Variants in TMCO4 observed in about 807,000 individuals in gnomAD.
TMCO4 encodes the protein transmembrane and coiled-coil domains 4, also known as transmembrane and coiled-coil domain-containing protein 4.
TMCO4 carries 58 observed loss-of-function variants against 64.7 expected under a neutral mutation model. The observed-to-expected ratio is 0.90, with a 90% CI of 0.73 to 1.12. TMCO4 has a LOEUF of 1.12. Ranked by LOEUF, TMCO4 falls within the 50% of genes most tolerant of loss-of-function variation. The pLI is 0.00. For synonymous variants in TMCO4, 325 were observed against 346.1 expected (o/e 0.94, Z 0.68); for missense variants, 780 against 825.9 (o/e 0.94, Z 0.68).
rs550777043 is a variant in TMCO4 at position 19,743,311 on chromosome 1, C to T, written c.877+2221G>A. On this transcript the variant is annotated intron_variant, in intron 10 of 15. Transcript: ENST00000294543. This position sits in a 1 kb window ranked among gnomAD's most constrained non-coding sequence, Gnocchi z 4.1. Reference sequence around the variant, plus strand: ...TAAATGAGCCAGTGCATAGGAAGGGCTTGGTGGTTGGCTACAAAGTTTTTA... The same window carrying T: ...TAAATGAGCCAGTGCATAGGAAGGGTTTGGTGGTTGGCTACAAAGTTTTTA... 8.5e-5 allele frequency among the ~76,000 whole-genome samples: 13 copies of T among 152,236 alleles called. No homozygotes were observed. The South Asian group carries it at 2.5e-3, about 29-fold the overall frequency.
Position 19,746,487 on chromosome 1 carries a change from C to T in TMCO4, c.726G>A (p.Ser242=), listed in dbSNP as rs765100468. Residue 242 remains serine (S), a synonymous_variant, in exon 9 of 16, where the codon TCG becomes TCA. Coordinates refer to ENST00000294543, the MANE Select transcript of TMCO4 (RefSeq NM_181719.7). ...GSAAGIAIMT[S]LFGAAGAGLT... is the part of the protein sequence containing the mutation. The stretch of plus-strand genomic sequence containing the variant: ...GGCCAGCTCCAGCTGCACCAAACAG[C>T]GAGGTCATGATGGCTATGCCGGCTG... The T allele has an allele frequency of 3.7e-6, 6 of 1,613,010 alleles. No individual in the cohort carries two copies. The highest frequency in any genetic ancestry group is 2.2e-5 in the East Asian group (1 of 44,872).
chr1:19,788,913 A>C (rs1030125108), intron 2 of TMCO4, among the ~76,000 whole-genome samples: 2 of 152,016 alleles, frequency 1.3e-5, no homozygotes, highest in Non-Finnish European at 2.9e-5. Context: ...GTCTCTACTA[A>C]AAATACAACA....
At chr1:19,751,771 G>A (rs1356216581) in intron 7 of TMCO4, among the ~76,000 whole-genome samples, 2 of 152,184 alleles carry the variant, frequency 1.3e-5, no homozygotes, top group Non-Finnish European at 2.9e-5. Flanking sequence ...TTTGGGGGCC[G>A]GGCGTGGTGG....
rs1570594651 is a variant in TMCO4 at position 19,683,053 on chromosome 1, G to A, written c.1892C>T (p.Thr631Met). The A allele has an allele frequency of 5.7e-6, 9 of 1,589,906 alleles. No homozygotes were observed. Among genetic ancestry groups the A allele is most frequent in the South Asian group, 2.3e-5 (2 of 86,626 alleles). ...CCCCTGCTGTGGTCAGTCCAGCCCC[G>A]TGCTGGGGCCCTGGGTCTTGCAGGC... ...DCACKTQGPS[T>M]GLD is the part of the protein sequence containing the mutation. Residue 631 changes from threonine (T) to methionine (M), a missense_variant, in exon 16 of 16, where the codon ACG (threonine) becomes ATG (methionine). Thr to Met is a moderately conservative substitution (Grantham distance 81). Coordinates refer to ENST00000294543, the MANE Select transcript of TMCO4 (RefSeq NM_181719.7).
At chr1:19,786,429 A>C (rs1443209839) in intron 3 of TMCO4, among the ~76,000 whole-genome samples, 8 of 152,208 alleles carry the variant, frequency 5.3e-5, no homozygotes, top group African/African-American at 1.7e-4. Context: ...CAAGGAGTGA[A>C]TCAGACAGGG....
chr1:19,781,810 C>T (rs1249116175), intron 3 of TMCO4, among the ~76,000 whole-genome samples: 1 of 152,136 alleles, frequency 6.6e-6, no homozygotes, highest in Admixed American at 6.5e-5. Context: ...CCACACCTGG[C>T]TAACTTTTTG....
At chr1:19,747,018 A>G in intron 8 of TMCO4, 145 bp downstream of exon 8, 1 of 757,576 alleles carries the variant, frequency 1.3e-6, no homozygotes, top group Non-Finnish European at 2.3e-6. Flanking sequence ...GCTGATGAGC[A>G]CACCGACTAC....
In TMCO4 at chr1:19,732,132, G is replaced by A. The variant is rs988177939; in HGVS notation, c.1264+5240C>T. Among the ~76,000 whole-genome samples, 5 of 152,070 alleles carry A rather than the reference G, an allele frequency of 3.3e-5. No homozygotes were observed. Among genetic ancestry groups the A allele is most frequent in the African/African-American group, 7.2e-5 (3 of 41,410 alleles). ...GCTGGCTACATGTCTGTGAATGTGC[G>A]CACACCTGCTGCTCACATTTGGAAT... On this transcript the variant is annotated intron_variant, in intron 13 of 15. Coordinates refer to ENST00000294543, the MANE Select transcript of TMCO4 (RefSeq NM_181719.7). The surrounding 1 kb of genome is among the most constrained non-coding windows in gnomAD (Gnocchi z 4.8).
At chr1:19,741,275 G>A (rs2100848459) in intron 10 of TMCO4, among the ~76,000 whole-genome samples, 1 of 152,322 alleles carries the variant, frequency 6.6e-6, no homozygotes, top group Non-Finnish European at 1.5e-5. Flanking sequence ...AATGAAATGT[G>A]TTTGAACTAT....
chr1:19,699,484 T>TAC (rs1052295046), intron 14 of TMCO4, among the ~76,000 whole-genome samples: 1 of 117,400 alleles, frequency 8.5e-6, no homozygotes, highest in Admixed American at 8.0e-5. Context: ...CTTTTTCATA[T>TAC]ACATATATAT....
At chr1:19,793,649 C>G (rs954299581) in intron 2 of TMCO4, among the ~76,000 whole-genome samples, 1 of 152,196 alleles carries the variant, frequency 6.6e-6, no homozygotes, top group Non-Finnish European at 1.5e-5. Flanking sequence ...GATAATCACA[C>G]TGCAGACGAG....
At chr1:19,713,237 G>A (rs1459648993) in intron 13 of TMCO4, among the ~76,000 whole-genome samples, 1 of 152,158 alleles carries the variant, frequency 6.6e-6, no homozygotes, top group African/African-American at 2.4e-5. Flanking sequence ...ACAGGCAGGG[G>A]TGGGAATTAT....
At chr1:19,755,540 C>T in intron 7 of TMCO4, 94 bp downstream of exon 7, 1 of 1,544,210 alleles carries the variant, frequency 6.5e-7, no homozygotes, top group Non-Finnish European at 8.8e-7. Context: ...CCTCACTACA[C>T]CATCTCTTAA....
At chr1:19,708,925 G>C (rs1385913642) in intron 13 of TMCO4, among the ~76,000 whole-genome samples, 1 of 152,180 alleles carries the variant, frequency 6.6e-6, no homozygotes, top group African/African-American at 2.4e-5. Flanking sequence ...AAACCAAGGA[G>C]GAATTTATTT....
At chr1:19,768,862 T>A (rs1174695775) in intron 6 of TMCO4, among the ~76,000 whole-genome samples, 1 of 152,150 alleles carries the variant, frequency 6.6e-6, no homozygotes, top group East Asian at 1.9e-4. Flanking sequence ...CTCCCAGCAG[T>A]GCCGATGCTG....
chr1:19,771,445 A>G lies in TMCO4; in HGVS notation c.217T>C (p.Trp73Arg), dbSNP rs2042978624. 6.2e-7 allele frequency: 1 copy of G among 1,614,002 alleles called. No individual in the cohort carries two copies. Among genetic ancestry groups the G allele is most frequent in the African/African-American group, 1.3e-5 (1 of 74,914 alleles). ...CTEFMAGLVQ[W>R]LELSEAVLPT... Reference sequence around the variant, plus strand: ...AAGACAGCTTCAGACAACTCCAGCCACTGCACCAGGCCTGCCATGAACTCT... The same window carrying G: ...AAGACAGCTTCAGACAACTCCAGCCGCTGCACCAGGCCTGCCATGAACTCT... Residue 73 changes from tryptophan (W) to arginine (R), a missense_variant, in exon 5 of 16, where the codon TGG (tryptophan) becomes CGG (arginine). Transcript: ENST00000294543.
rs937270309 is a variant in TMCO4 at position 19,682,891 on chromosome 1, T to C, written c.*149A>G. The C allele has an allele frequency of 1.7e-6, 2 of 1,172,304 alleles. No homozygotes were observed. The highest frequency in any genetic ancestry group is 3.1e-5 in the African/African-American group (2 of 64,956). The allele number at this position is 1,172,304 out of a possible 1,614,324, so 72.6% of individuals were successfully genotyped here. A position where few individuals can be genotyped will look rare whatever the true frequency, so the allele number is the denominator to read the frequency against. Reference sequence around the variant, plus strand: ...CTCCTCCAAATTCCCCTTCCTTCCATTTCCTTTCCCTTTCAGTTCCAATTC... The same window carrying C: ...CTCCTCCAAATTCCCCTTCCTTCCACTTCCTTTCCCTTTCAGTTCCAATTC... On this transcript the variant is annotated 3_prime_UTR_variant, in exon 16 of 16. Coordinates refer to ENST00000294543, the MANE Select transcript of TMCO4 (RefSeq NM_181719.7).
chr1:19,703,941 C>T (rs1482591507), intron 13 of TMCO4, among the ~76,000 whole-genome samples: 1 of 152,208 alleles, frequency 6.6e-6, no homozygotes, highest in Non-Finnish European at 1.5e-5. Flanking sequence ...CAGCTTCAAC[C>T]AGTTCTGCTA....
At position 19,745,569 on chromosome 1, in the gene TMCO4, G is replaced by C. The variant is rs35722858; in HGVS notation, c.840C>G (p.Thr280=). 2.5e-6 allele frequency: 4 copies of C among 1,614,148 alleles called. No individual in the cohort carries two copies. In the Admixed American group the frequency reaches 6.7e-5, roughly 27 times the overall value. The change falls in exon 10 of 16, where the codon ACC becomes ACG. Residue 280 remains threonine (T), a synonymous_variant. Transcript: ENST00000294543. ...PLTEGRQLHI[T]IAVTGWLASG... ...AAGCGAGCCACCCCGTGACGGCGATGGTGATGTGCAGCTGCCTGCCCTCCG... is the reference window on the plus strand; with the variant it reads ...AAGCGAGCCACCCCGTGACGGCGATCGTGATGTGCAGCTGCCTGCCCTCCG...
Sources: allele counts gnomAD v4.1 joint callset (sites outside exome capture counted in the v4.1 genomes callset), GRCh38; gene constraint gnomAD v4.1.1; non-coding constraint Gnocchi (gnomAD v3.1); transcripts MANE v1.5; gene names NCBI Gene and HGNC (gene_info 2026-07-23, HGNC 2026-07-21).